The following SCAPER variants were observed in gnomAD, a reference collection of about 807,000 sequenced individuals.
SCAPER encodes S-phase cyclin A associated protein in the ER, also known as S phase cyclin A-associated protein in the endoplasmic reticulum.
Under a neutral mutation model 182.2 loss-of-function variants are expected in SCAPER, and 98 were observed. The observed-to-expected ratio is 0.54, with a 90% CI of 0.46 to 0.64. SCAPER has a LOEUF of 0.64. SCAPER is among the 30% of genes least tolerant of loss of function. The probability of loss-of-function intolerance (pLI) is 0.00; values close to 1 mark genes in which losing one functional copy is unlikely to be tolerated. For synonymous variants in SCAPER, 605 were observed against 564.6 expected, an observed-to-expected ratio of 1.07 and a Z score of -1.01; for missense variants, 1,432 against 1,690.0, an observed-to-expected ratio of 0.85 and a Z score of 2.68.
At chr15:76,502,664 A>G (rs1420470315) in intron 24 of SCAPER, among the ~76,000 whole-genome samples, 5 of 152,224 alleles carry the variant, frequency 3.3e-5, no homozygotes, top group African/African-American at 1.2e-4. Context: ...TGGCACATGT[A>G]TACATATGTA....
intron 23 of SCAPER, among the ~76,000 whole-genome samples, chr15:76,541,510 C>T (rs2044750879): frequency 6.6e-6 from 1 of 152,170 alleles, no homozygotes; most frequent in African/African-American, 2.4e-5. Context: ...CGGTGATGGA[C>T]ATCATCGAGA....
intron 22 of SCAPER, among the ~76,000 whole-genome samples, chr15:76,585,092 G>GC (rs1333987473): frequency 6.6e-6 from 1 of 152,050 alleles, no homozygotes; most frequent in Non-Finnish European, 1.5e-5. Flanking sequence ...TCTGGCTCCA[G>GC]CACACACCAT....
intron 7 of SCAPER, among the ~76,000 whole-genome samples, chr15:76,799,524 A>C (rs555678382): frequency 2.2e-4 from 33 of 152,186 alleles, no homozygotes; most frequent in African/African-American, 6.0e-4. Flanking sequence ...CGGCTCCCCA[A>C]AGTGCTGGGA....
At chr15:76,399,245 C>T (rs1453140099) in intron 27 of SCAPER, among the ~76,000 whole-genome samples, 1 of 152,130 alleles carries the variant, frequency 6.6e-6, no homozygotes, top group Non-Finnish European at 1.5e-5. Flanking sequence ...TCAAGCAATT[C>T]TCCTGCCTCA....
chr15:76,426,541 G>T (rs1031032883), intron 26 of SCAPER, among the ~76,000 whole-genome samples: 9 of 152,174 alleles, frequency 5.9e-5, no homozygotes, highest in Admixed American at 1.3e-4. Context: ...AACTGCCCGA[G>T]AATTTTTTTT....
chr15:76,825,920 T>C (rs1336599890), intron 5 of SCAPER, among the ~76,000 whole-genome samples: 1 of 152,142 alleles, frequency 6.6e-6, no homozygotes, highest in Non-Finnish European at 1.5e-5. Flanking sequence ...AATTTTTGTA[T>C]TTTTAGTAGA....
At chr15:76,458,821 CCT>C (rs2048937568) in intron 25 of SCAPER, among the ~76,000 whole-genome samples, 1 of 152,200 alleles carries the variant, frequency 6.6e-6, no homozygotes, top group East Asian at 1.9e-4. Flanking sequence ...TTTATCTGCC[CCT>C]GTCACCACAC....
intron 24 of SCAPER, among the ~76,000 whole-genome samples, chr15:76,497,710 T>C (rs1428089456): frequency 6.6e-6 from 1 of 151,816 alleles, no homozygotes; most frequent in Non-Finnish European, 1.5e-5. Context: ...AGTAAGCACA[T>C]GGCCGGGCAC....
intron 21 of SCAPER, among the ~76,000 whole-genome samples, chr15:76,648,904 A>G (rs2054777355): frequency 6.6e-6 from 1 of 152,236 alleles, no homozygotes; most frequent in African/African-American, 2.4e-5. Flanking sequence ...GGCACCAGCC[A>G]GGTAGAGACC....
chr15:76,733,958 AT>A (rs1289044539), intron 15 of SCAPER, among the ~76,000 whole-genome samples: 5 of 152,202 alleles, frequency 3.3e-5, no homozygotes, highest in African/African-American at 1.2e-4. Flanking sequence ...CACTGAAAAC[AT>A]TTTTAAGTGA....
intron 23 of SCAPER, among the ~76,000 whole-genome samples, chr15:76,545,184 T>C (rs1409473494): frequency 1.3e-5 from 2 of 152,180 alleles, no homozygotes; most frequent in Non-Finnish European, 2.9e-5. Flanking sequence ...TGTAAAACCA[T>C]AGTCATTATT....
chr15:76,858,941 C>T (rs2071639143), intron 3 of SCAPER, among the ~76,000 whole-genome samples: 1 of 152,178 alleles, frequency 6.6e-6, no homozygotes, highest in African/African-American at 2.4e-5. Flanking sequence ...CATACACATA[C>T]ATGTATCTTT....
intron 26 of SCAPER, among the ~76,000 whole-genome samples, chr15:76,425,261 C>T (rs369546304): frequency 2.0e-4 from 31 of 152,284 alleles, no homozygotes; most frequent in South Asian, 1.2e-3. Flanking sequence ...ACCAATCAGA[C>T]GCAGATTTGG....
At chr15:76,608,136 A>C (rs1440307957) in intron 22 of SCAPER, among the ~76,000 whole-genome samples, 1 of 151,576 alleles carries the variant, frequency 6.6e-6, no homozygotes, top group South Asian at 2.1e-4. Flanking sequence ...TTTTTTCCCC[A>C]TCTTTGTGGT....
At position 76,841,906 on chromosome 15, in the gene SCAPER, G is replaced by T; in HGVS notation, c.221C>A (p.Thr74Lys). ...GTGTTTATCTCCAGTCGTAGACGATGTTATTTTACAGTCCACTGCAGTACT... is the reference window on the plus strand; with the variant it reads ...GTGTTTATCTCCAGTCGTAGACGATTTTATTTTACAGTCCACTGCAGTACT... ...KQSTAVDCKITSSTTGDKHFD... is the reference protein window; with the variant it reads ...KQSTAVDCKIKSSTTGDKHFD... Residue 74 changes from threonine to lysine, a missense_variant, in exon 5 of 32, where the codon ACA becomes AAA. This residue lies in a region of SCAPER where 480 missense variants were observed against 510.2 expected (regional missense o/e 0.94). Coordinates refer to ENST00000563290, the MANE Select transcript of SCAPER (RefSeq NM_020843.4). 6.2e-7 allele frequency: 1 copy of T among 1,613,580 alleles called. No homozygotes were observed. Among genetic ancestry groups the T allele is most frequent in the East Asian group, 2.2e-5 (1 of 44,862 alleles).
In SCAPER at chr15:76,599,786, T is replaced by A. The variant is rs756388661; in HGVS notation, c.2711+21978A>T. Among the ~76,000 whole-genome samples the A allele has an allele frequency of 5.3e-4, 64 of 121,434 alleles. 20 individuals are homozygous for A. The highest frequency in any genetic ancestry group is 1.2e-4 in the Non-Finnish European group (6 of 49,984). 79.7% of individuals were successfully genotyped at this position (121,434 alleles called of 152,430 possible). ...AGTAAAGGGATTCACCAAGGACATA[T>A]AATAACCTTCTGGGATGATGATACT... is the stretch of plus-strand genomic sequence containing the variant. On this transcript the variant is annotated intron_variant, in intron 22 of 31. Transcript: ENST00000563290.
At chr15:76,676,356 C>T (rs2146934142) in intron 20 of SCAPER, among the ~76,000 whole-genome samples, 1 of 152,230 alleles carries the variant, frequency 6.6e-6, no homozygotes, top group South Asian at 2.1e-4. Context: ...ATCTATAGCT[C>T]CAGCCATCAA....
At chr15:76,417,863 C>T (rs1386420632) in intron 26 of SCAPER, among the ~76,000 whole-genome samples, 1 of 152,026 alleles carries the variant, frequency 6.6e-6, no homozygotes, top group East Asian at 1.9e-4. Context: ...ACTAAAAATA[C>T]AAAAATTAGC....
At chr15:76,419,537 A>G (rs1253982427) in intron 26 of SCAPER, among the ~76,000 whole-genome samples, 1 of 152,002 alleles carries the variant, frequency 6.6e-6, no homozygotes, top group African/African-American at 2.4e-5. Context: ...CCTGACCAAC[A>G]TGGAGACACC....
Sources: gnomAD v4.1 joint callset for allele counts (sites outside exome capture counted in the v4.1 genomes callset) on GRCh38, gnomAD v4.1.1 for gene constraint, gnomAD v4.1.1 regional missense constraint, MANE v1.5 for transcripts, NCBI Gene and HGNC (gene_info 2026-07-23, HGNC 2026-07-21) for gene names.